Variants in NBAS observed in about 807,000 individuals in gnomAD.
NBAS encodes NAG/BC035112 fusion.
In NBAS, 219 loss-of-function variants were observed where a neutral mutation model predicts 302.5. That is an observed-to-expected ratio of 0.72 (90% confidence interval 0.65 to 0.81). The LOEUF is 0.81. Among genes scored for constraint, NBAS ranks in the 30% least tolerant of loss-of-function variants. NBAS has a pLI of 0.00. For synonymous variants in NBAS, 1,118 were observed against 1,021.6 expected (o/e 1.09, Z -1.80); for missense variants, 2,932 against 2,841.6 (o/e 1.03, Z -0.72).
At chr2:15,220,178 G>A (rs1387987690) in intron 47 of NBAS, among the ~76,000 whole-genome samples, 6 of 144,006 alleles carry the variant, frequency 4.2e-5, no homozygotes, top group Non-Finnish European at 7.6e-5. Context: ...CGGGCGGGGG[G>A]CTGACCCCCC....
chr2:15,055,536 A>T, the NBAS span, among the ~76,000 whole-genome samples: 1 of 152,126 alleles, frequency 6.6e-6, no homozygotes, highest in Non-Finnish European at 1.5e-5. Flanking sequence ...CAGTGTCCAT[A>T]TGAGGGGTAT....
At chr2:15,491,588 T>C (rs1680856973) in intron 11 of NBAS, among the ~76,000 whole-genome samples, 1 of 151,904 alleles carries the variant, frequency 6.6e-6, no homozygotes, top group Non-Finnish European at 1.5e-5. Flanking sequence ...CACAAAAAAT[T>C]AGCCAGGCGT....
At chr2:15,449,137 C>A (rs922572839) in intron 21 of NBAS, among the ~76,000 whole-genome samples, 4 of 152,058 alleles carry the variant, frequency 2.6e-5, no homozygotes, top group Admixed American at 6.6e-5. Context: ...TCAAAGATTT[C>A]TTAATTTCAA....
At chr2:15,265,009 G>A (rs1669015589) in intron 44 of NBAS, among the ~76,000 whole-genome samples, 1 of 152,044 alleles carries the variant, frequency 6.6e-6, no homozygotes, top group Non-Finnish European at 1.5e-5. Flanking sequence ...GTATTCATCG[G>A]CTTCGTGTTT....
the NBAS span, among the ~76,000 whole-genome samples, chr2:14,821,607 A>G: frequency 2.6e-5 from 4 of 152,128 alleles, no homozygotes; most frequent in Admixed American, 1.3e-4. Flanking sequence ...TCCTTCCACA[A>G]GGAGAGGATT....
intron 48 of NBAS, among the ~76,000 whole-genome samples, chr2:15,190,880 T>A (rs987392756): frequency 1.3e-5 from 2 of 152,344 alleles, no homozygotes; most frequent in Admixed American, 1.3e-4. Flanking sequence ...GTCATAGAAC[T>A]TTTTTGCTAT....
At chr2:15,326,359 TAATAAA>T (rs1672063176) in intron 38 of NBAS, among the ~76,000 whole-genome samples, 1 of 152,162 alleles carries the variant, frequency 6.6e-6, no homozygotes, top group Non-Finnish European at 1.5e-5. Flanking sequence ...ATAGACTAAA[TAATAAA>T]AATATCGTAT....
chr2:14,944,392 C>A, the NBAS span, among the ~76,000 whole-genome samples: 6 of 152,200 alleles, frequency 3.9e-5, no homozygotes, highest in Admixed American at 3.3e-4. Flanking sequence ...CTTCAAGTAT[C>A]TCATTTATTT....
chr2:15,428,153 T>C (rs932188403), intron 21 of NBAS, among the ~76,000 whole-genome samples: 3 of 152,124 alleles, frequency 2.0e-5, no homozygotes, highest in Non-Finnish European at 4.4e-5. Flanking sequence ...TGGGGCAGAG[T>C]AGTGCTTTCA....
the NBAS span, among the ~76,000 whole-genome samples, chr2:14,942,476 C>T: frequency 6.6e-6 from 1 of 152,196 alleles, no homozygotes; most frequent in Non-Finnish European, 1.5e-5. Flanking sequence ...TCCCCCTTCC[C>T]CTTCCACTGT....
At chr2:15,524,307 G>A (rs1662816960) in intron 9 of NBAS, among the ~76,000 whole-genome samples, 1 of 152,192 alleles carries the variant, frequency 6.6e-6, no homozygotes, top group South Asian at 2.1e-4. Flanking sequence ...AGATGATGGT[G>A]GTGGTTCCTA....
At chr2:15,275,069 C>T (rs866204418) in intron 44 of NBAS, among the ~76,000 whole-genome samples, 4 of 152,078 alleles carry the variant, frequency 2.6e-5, no homozygotes, top group South Asian at 2.1e-4. Flanking sequence ...AGGCTTGAGC[C>T]GCTATGCCCG....
At chr2:15,362,780 C>A (rs1223922196) in intron 32 of NBAS, among the ~76,000 whole-genome samples, 1 of 152,094 alleles carries the variant, frequency 6.6e-6, no homozygotes, top group Non-Finnish European at 1.5e-5. Flanking sequence ...AAGCTCTAAT[C>A]TGGGTGGTAT....
At chr2:15,554,193 T>C in intron 3 of NBAS, 55 bp from the exon 4 acceptor site, 1 of 1,350,372 alleles carries the variant, frequency 7.4e-7, no homozygotes, top group South Asian at 1.2e-5. Flanking sequence ...ACCACATATA[T>C]GCAGACAAAT....
chr2:14,945,451 G>A, the NBAS span, among the ~76,000 whole-genome samples: 6 of 152,082 alleles, frequency 3.9e-5, no homozygotes, highest in African/African-American at 1.4e-4. Context: ...AGGAAACAGT[G>A]ACTCATACTA....
chr2:15,358,948 G>A (rs895149434), intron 32 of NBAS, among the ~76,000 whole-genome samples: 4 of 152,180 alleles, frequency 2.6e-5, no homozygotes, highest in Admixed American at 2.0e-4. Flanking sequence ...TTGAGCTACA[G>A]AAGATGCAGA....
At chr2:15,318,391 T>A (rs527656129) in intron 38 of NBAS, among the ~76,000 whole-genome samples, 1 of 152,024 alleles carries the variant, frequency 6.6e-6, no homozygotes, top group East Asian at 1.9e-4. Flanking sequence ...AATTCACACA[T>A]TAACAATATT....
In NBAS at chr2:15,179,110, T is replaced by C; in HGVS notation, c.6718A>G (p.Lys2240Glu). The C allele has an allele frequency of 6.2e-7, 1 of 1,614,110 alleles. No homozygotes were observed. Among genetic ancestry groups the C allele is most frequent in the Non-Finnish European group, 8.5e-7 (1 of 1,180,006 alleles). The change falls in exon 51 of 52, where the codon AAG (lysine) becomes GAG (glutamate). Residue 2240 changes from lysine to glutamate, a missense_variant. By Grantham distance (56) the Lys-to-Glu change is moderately conservative (BLOSUM62 1). Coordinates refer to ENST00000281513, the MANE Select transcript of NBAS (RefSeq NM_015909.4). ...TKQMLPAEGV[K>E]ELCLLLLNQS... ...TTAAGCAGCAGCAGACACAGCTCCTTCACACCCTGAAACCACAGAGCAGGG... is the reference window on the plus strand; with the variant it reads ...TTAAGCAGCAGCAGACACAGCTCCTCCACACCCTGAAACCACAGAGCAGGG...
At chr2:15,110,917 T>C in the NBAS span, among the ~76,000 whole-genome samples, 1 of 152,060 alleles carries the variant, frequency 6.6e-6, no homozygotes, top group East Asian at 1.9e-4. Context: ...TGAAGAAACA[T>C]AATGCTTGGA....
Sources: gnomAD v4.1 joint callset for allele counts (sites outside exome capture counted in the v4.1 genomes callset) on GRCh38, gnomAD v4.1.1 for gene constraint, MANE v1.5 for transcripts, NCBI Gene and HGNC (gene_info 2026-07-23, HGNC 2026-07-21) for gene names.